The following CATSPER3 variants were observed in gnomAD, a reference collection of about 807,000 sequenced individuals.
The protein encoded by CATSPER3 is cation channel sperm-associated protein 3.
A neutral mutation model predicts 36.6 loss-of-function variants in CATSPER3; 23 were observed. The observed-to-expected ratio is 0.63, with a 90% CI of 0.45 to 0.89. CATSPER3 has a LOEUF of 0.89. CATSPER3 is among the 40% of genes least tolerant of loss of function. The pLI, the probability that CATSPER3 is intolerant of heterozygous loss-of-function variation, is 0.00. For missense variants in CATSPER3, 474 were observed against 503.9 expected (o/e 0.94, Z 0.57); for synonymous variants, 172 against 184.1 (o/e 0.93, Z 0.53).
intron 2 of CATSPER3, among the ~76,000 whole-genome samples, chr5:134,992,328 G>A (rs1751888368): frequency 6.6e-6 from 1 of 152,138 alleles, no homozygotes; most frequent in African/African-American, 2.4e-5. Flanking sequence ...TGGCCAATAA[G>A]CACATGAAAA....
intron 4 of CATSPER3, among the ~76,000 whole-genome samples, chr5:135,008,595 G>A (rs1420893814): frequency 6.6e-6 from 1 of 152,186 alleles, no homozygotes; most frequent in Non-Finnish European, 1.5e-5. Context: ...TTCTGGGAAG[G>A]TTGGGAGGCC....
In CATSPER3 at chr5:134,980,929, A is replaced by G. The variant is rs138857357; in HGVS notation, c.252+10837A>G. On this transcript the variant is annotated intron_variant, in intron 2 of 7. Transcript: ENST00000282611. The stretch of plus-strand genomic sequence containing the variant: ...TTTTTTGTAGATACAGTATCTCACT[A>G]TGTTGCTCTCAAACTCCTGGCCTCA... 8.5e-5 allele frequency among the ~76,000 whole-genome samples: 13 copies of G among 152,146 alleles called. No individual in the cohort carries two copies. In the East Asian group the frequency reaches 1.5e-3, roughly 18 times the overall value.
intron 1 of CATSPER3, 99 bp from the exon 2 acceptor site, chr5:134,969,840 G>A: frequency 8.3e-7 from 1 of 1,208,246 alleles, no homozygotes; most frequent in Admixed American, 1.7e-5. Context: ...ATTCACACAA[G>A]GGAGAAAGCA....
intron 3 of CATSPER3, among the ~76,000 whole-genome samples, chr5:134,999,114 T>C (rs59414782): frequency 0.13 from 19,730 of 151,350 alleles, 3,721 homozygotes; most frequent in African/African-American, 0.42. Context: ...AGGGATCCAG[T>C]TTCAGCTTTC....
chr5:134,986,554 C>T (rs535927446), intron 2 of CATSPER3, among the ~76,000 whole-genome samples: 116 of 151,038 alleles, frequency 7.7e-4, no homozygotes, highest in African/African-American at 2.7e-3. Context: ...CTCTGCCTCC[C>T]GGGTTCAAGC....
intron 2 of CATSPER3, among the ~76,000 whole-genome samples, chr5:134,995,011 C>T (rs981718513): frequency 4.0e-5 from 6 of 150,384 alleles, no homozygotes; most frequent in African/African-American, 1.5e-4. Flanking sequence ...TCCTTCATCC[C>T]TCTCTCTCTC....
In CATSPER3 at chr5:134,996,329, T is replaced by C; in HGVS notation, c.309T>C (p.Tyr103=). The change falls in exon 3 of 8, where the codon TAT becomes TAC. Residue 103 remains tyrosine, a synonymous_variant. Coordinates refer to ENST00000282611, the MANE Select transcript of CATSPER3 (RefSeq NM_178019.3). ...ICTSELSMKV[Y]VDPINYWKNG... ...CATCTGAGTTGTCCATGAAGGTCTA[T>C]GTGGACCCCATCAACTACTGGAAGA... The C allele has an allele frequency of 6.2e-7, 1 of 1,614,130 alleles. No individual in the cohort carries two copies. Among genetic ancestry groups the C allele is most frequent in the Non-Finnish European group, 8.5e-7 (1 of 1,179,922 alleles).
intron 3 of CATSPER3, among the ~76,000 whole-genome samples, chr5:135,001,800 T>G (rs1440653275): frequency 6.6e-6 from 1 of 152,182 alleles, no homozygotes; most frequent in Non-Finnish European, 1.5e-5. Context: ...CCTTTTTTTG[T>G]TTTCCATTTG....
intron 2 of CATSPER3, among the ~76,000 whole-genome samples, chr5:134,973,696 G>T (rs888332735): frequency 2.0e-5 from 3 of 152,082 alleles, no homozygotes; most frequent in Admixed American, 6.5e-5. Context: ...CCAATAAGAA[G>T]AATAATTGCC....
intron 2 of CATSPER3, 93 bp downstream of exon 2, chr5:134,970,185 A>AGTGAG: frequency 3.2e-6 from 4 of 1,249,890 alleles, no homozygotes; most frequent in South Asian, 1.2e-5. Context: ...TCCGAGACAG[A>AGTGAG]ATCTCACTCT....
At chr5:135,006,710 C>T (rs921043876) in intron 3 of CATSPER3, among the ~76,000 whole-genome samples, 3 of 151,680 alleles carry the variant, frequency 2.0e-5, no homozygotes, top group Non-Finnish European at 4.4e-5. Flanking sequence ...CAGTGGCGGG[C>T]ACCTGTAGTC....
At chr5:135,007,163 A>G (rs1177909658) in intron 3 of CATSPER3, among the ~76,000 whole-genome samples, 1 of 152,126 alleles carries the variant, frequency 6.6e-6, no homozygotes, top group African/African-American at 2.4e-5. Context: ...AAAGGCTTTG[A>G]GAGTTGGTCC....
chr5:134,998,173 G>T (rs1019493712), intron 3 of CATSPER3, among the ~76,000 whole-genome samples: 1 of 152,052 alleles, frequency 6.6e-6, no homozygotes, highest in East Asian at 1.9e-4. Flanking sequence ...TGCAGTGTTT[G>T]GTTTTCTGTC....
At chr5:134,984,390 T>C (rs1751784081) in intron 2 of CATSPER3, among the ~76,000 whole-genome samples, 1 of 151,922 alleles carries the variant, frequency 6.6e-6, no homozygotes, top group African/African-American at 2.4e-5. Context: ...AGGAATAATA[T>C]CCAAAATCTA....
intron 1 of CATSPER3, chr5:134,969,200 T>C (rs1398328349): frequency 6.6e-6 from 1 of 152,250 alleles, no homozygotes; most frequent in African/African-American, 2.4e-5. Flanking sequence ...GTTGAAGTTA[T>C]TTCATTTCAG....
chr5:134,996,239 G>A lies in CATSPER3; in HGVS notation c.253-34G>A, dbSNP rs200883307. 1.7e-5 allele frequency: 28 copies of A among 1,614,014 alleles called. No homozygotes were observed. The Middle Eastern group carries it at 6.6e-4, about 38-fold the overall frequency. ...CCAGAGCTCTAGGGCTGTGCAGCTC[G>A]ATCTGACTTCTCCAACCCTTGCTAC... On this transcript the variant is annotated intron_variant, in intron 2 of 7. Transcript: ENST00000282611.
rs1253757422 is a variant in CATSPER3, at chr5:135,005,488, G to A, written c.493-2469G>A. Among the ~76,000 whole-genome samples the A allele has an allele frequency of 2.0e-5, 3 of 152,360 alleles. No homozygotes were observed. In the East Asian group the frequency reaches 5.8e-4, roughly 29 times the overall value. On this transcript the variant is annotated intron_variant, in intron 3 of 7. Transcript: ENST00000282611. ...ACCCTAGATCCCCAGAGGCACAGAAGTGACCCTGGATAACATGCCCTCTGA... is the reference window on the plus strand; with the variant it reads ...ACCCTAGATCCCCAGAGGCACAGAAATGACCCTGGATAACATGCCCTCTGA...
intron 2 of CATSPER3, among the ~76,000 whole-genome samples, chr5:134,976,749 G>C (rs563961007): frequency 1.2e-3 from 180 of 152,342 alleles, no homozygotes; most frequent in South Asian, 3.5e-3. Flanking sequence ...GGGCTTTCTT[G>C]TACATCTTCT....
chr5:134,996,140 G>A (rs1751942296), intron 2 of CATSPER3, 133 bp from the exon 3 acceptor site: 3 of 1,136,020 alleles, frequency 2.6e-6, no homozygotes, highest in Non-Finnish European at 4.0e-6. Context: ...CTGTGTGCCA[G>A]AAACTCTGCC....
Sources: allele counts gnomAD v4.1 joint callset (sites outside exome capture counted in the v4.1 genomes callset), GRCh38; gene constraint gnomAD v4.1.1; transcripts MANE v1.5; gene names NCBI Gene and HGNC (gene_info 2026-07-23, HGNC 2026-07-21).